Variants in USP15 observed in about 807,000 individuals in gnomAD.
The protein encoded by USP15 is ubiquitin carboxyl-terminal hydrolase 15.
USP15 carries 18 observed loss-of-function variants against 127.1 expected under a neutral mutation model. The observed-to-expected ratio is 0.14, with a 90% CI of 0.10 to 0.21. The LOEUF is 0.21. Among genes scored for constraint, USP15 ranks in the 10% least tolerant of loss-of-function variants. The pLI is 1.00. For synonymous variants in USP15, 364 were observed against 393.7 expected (o/e 0.92, Z 0.89); for missense variants, 805 against 1,159.9 (o/e 0.69, Z 4.44).
At chr12:62,391,551 T>G (rs2137620544) in intron 16 of USP15, 122 bp downstream of exon 16, 1 of 1,292,662 alleles carries the variant, frequency 7.7e-7, no homozygotes, top group Non-Finnish European at 1.0e-6. Flanking sequence ...CTATCTCAAA[T>G]TTTACATGAA....
rs73321549 is a variant in USP15 at position 62,353,028 on chromosome 12, A to G, written c.771-2303A>G. On this transcript the variant is annotated intron_variant, in intron 7 of 21. Transcript: ENST00000280377. ...ATAGTCATGAAAGGTACTAGAGGCT[A>G]TCTTTAGGGCCCAGATTTTCATATA... Among the ~76,000 whole-genome samples the G allele has an allele frequency of 6.2e-3, 938 of 152,090 alleles. 5 individuals carry two copies. The highest frequency in any genetic ancestry group is 0.015 in the African/African-American group (622 of 41,550).
At chr12:62,264,023 G>A (rs1175804911) in intron 1 of USP15, among the ~76,000 whole-genome samples, 2 of 152,150 alleles carry the variant, frequency 1.3e-5, no homozygotes, top group Non-Finnish European at 2.9e-5. Context: ...GAGTCTCGCT[G>A]TGTCGCCCAG....
At chr12:62,402,770 A>T (rs948297101) in intron 21 of USP15, among the ~76,000 whole-genome samples, 5 of 152,072 alleles carry the variant, frequency 3.3e-5, no homozygotes, top group African/African-American at 1.2e-4. Flanking sequence ...TTAGATTGTT[A>T]AACAAGAGAA....
In USP15 at chr12:62,415,205, A is replaced by T. The variant is rs2137726395; in HGVS notation, c.*10830A>T. On this transcript the variant is annotated 3_prime_UTR_variant, in exon 22 of 22. Transcript: ENST00000280377. Reference sequence around the variant, plus strand: ...CAAGCTACCTGGCTAAAGACCCAGGAAGACTGAATGTTTCAGTTTTAGTGC... The same window carrying T: ...CAAGCTACCTGGCTAAAGACCCAGGTAGACTGAATGTTTCAGTTTTAGTGC... 6.6e-6 allele frequency: 1 copy of T among 152,326 alleles called. No homozygotes were observed. The highest frequency in any genetic ancestry group is 2.1e-4 in the South Asian group (1 of 4,824). The allele number at this position is 152,326 out of a possible 1,614,324, so 9.4% of individuals were successfully genotyped here.
At chr12:62,315,463 T>C (rs2064806523) in intron 4 of USP15, among the ~76,000 whole-genome samples, 2 of 152,008 alleles carry the variant, frequency 1.3e-5, no homozygotes, top group African/African-American at 4.8e-5. Flanking sequence ...GACACATTTT[T>C]AATTTTAGGT....
intron 6 of USP15, among the ~76,000 whole-genome samples, chr12:62,341,375 A>G (rs1306920629): frequency 6.6e-6 from 1 of 152,184 alleles, no homozygotes; most frequent in Non-Finnish European, 1.5e-5. Context: ...TAGCCCATTT[A>G]TATTTAAGGC....
chr12:62,290,849 A>G (rs1322650737), intron 1 of USP15, among the ~76,000 whole-genome samples: 1 of 151,880 alleles, frequency 6.6e-6, no homozygotes, highest in Non-Finnish European at 1.5e-5. Context: ...GAAAGACTTT[A>G]TATCTCCTTT....
rs188402893 is a variant in USP15, at chr12:62,321,351, G to A, written c.476-113G>A. 6.7e-3 allele frequency: 4,102 copies of A among 614,824 alleles called. 18 individuals carry two copies. The highest frequency in any genetic ancestry group is 8.3e-3 in the Non-Finnish European group (3,344 of 401,744). The allele number at this position is 614,824 out of a possible 1,614,324, so 38.1% of individuals were successfully genotyped here. On this transcript the variant is annotated intron_variant, in intron 4 of 21. Transcript: ENST00000280377. ...GTTTTATAGATTTATTACATATTTA[G>A]TCTTGATTTTCTATTAGTATTTTAA...
chr12:62,383,425 A>G (rs1473867532), intron 9 of USP15, among the ~76,000 whole-genome samples: 3 of 151,980 alleles, frequency 2.0e-5, no homozygotes, highest in Non-Finnish European at 2.9e-5. Context: ...CTTTTTCTCC[A>G]TAAAGCACAT....
At chr12:62,262,437 A>G (rs2063094115) in intron 1 of USP15, among the ~76,000 whole-genome samples, 1 of 152,106 alleles carries the variant, frequency 6.6e-6, no homozygotes, top group Non-Finnish European at 1.5e-5. Context: ...TAAAAAGTGA[A>G]TTTCCTTAAA....
intron 6 of USP15, among the ~76,000 whole-genome samples, chr12:62,346,211 G>T (rs1002476126): frequency 3.9e-4 from 59 of 152,220 alleles, no homozygotes; most frequent in African/African-American, 1.3e-3. Flanking sequence ...CAGTTTGTCA[G>T]ATAATATTAA....
chr12:62,261,911 A>G (rs1423237969), intron 1 of USP15, among the ~76,000 whole-genome samples: 1 of 152,140 alleles, frequency 6.6e-6, no homozygotes, highest in Non-Finnish European at 1.5e-5. Flanking sequence ...TTGTTTCATT[A>G]TATCAAAAAA....
intron 6 of USP15, among the ~76,000 whole-genome samples, chr12:62,348,741 G>GCCA (rs2065889310): frequency 6.6e-6 from 1 of 151,978 alleles, no homozygotes; most frequent in Admixed American, 6.6e-5. Context: ...TAGCATATTG[G>GCCA]GATTATGCTT....
intron 1 of USP15, among the ~76,000 whole-genome samples, chr12:62,267,784 C>G (rs191793008): frequency 7.7e-4 from 117 of 152,202 alleles, no homozygotes; most frequent in Non-Finnish European, 1.9e-4. Flanking sequence ...CCAGTTAAAT[C>G]AAGACCTGAG....
At chr12:62,367,375 G>A (rs1443608752) in intron 8 of USP15, among the ~76,000 whole-genome samples, 1 of 152,090 alleles carries the variant, frequency 6.6e-6, no homozygotes, top group African/African-American at 2.4e-5. Context: ...GGGACTCCAG[G>A]CGCCCGCCAC....
chr12:62,274,728 G>C (rs1474337743), intron 1 of USP15, among the ~76,000 whole-genome samples: 4 of 152,070 alleles, frequency 2.6e-5, no homozygotes, highest in African/African-American at 9.7e-5. Flanking sequence ...GGAAGAAAAA[G>C]GTTGCTCTAC....
chr12:62,293,027 G>A (rs1565825002), intron 1 of USP15, among the ~76,000 whole-genome samples: 1 of 152,252 alleles, frequency 6.6e-6, no homozygotes, highest in South Asian at 2.1e-4. Flanking sequence ...ACAGATGCTC[G>A]AGTCTAGGAT....
intron 3 of USP15, among the ~76,000 whole-genome samples, chr12:62,310,307 G>A (rs1362706717): frequency 2.0e-5 from 3 of 151,666 alleles, no homozygotes; most frequent in Non-Finnish European, 4.4e-5. Flanking sequence ...ACCCTGCTCT[G>A]CTACCAAACA....
intron 21 of USP15, among the ~76,000 whole-genome samples, chr12:62,402,277 T>C (rs980358306): frequency 8.6e-5 from 13 of 151,992 alleles, no homozygotes; most frequent in Non-Finnish European, 1.6e-4. Flanking sequence ...AAAGACTCCA[T>C]TCTAAACAGA....
Sources: gnomAD v4.1 joint callset for allele counts (sites outside exome capture counted in the v4.1 genomes callset) on GRCh38, gnomAD v4.1.1 for gene constraint, MANE v1.5 for transcripts, NCBI Gene and HGNC (gene_info 2026-07-23, HGNC 2026-07-21) for gene names.